REDIC1: variants seen among roughly 807,000 people sequenced by gnomAD.
REDIC1 encodes HEI10 Interacting Protein 1.
the REDIC1 span, among the ~76,000 whole-genome samples, chr12:39,887,071 G>A: frequency 6.6e-6 from 1 of 152,142 alleles, no homozygotes; most frequent in Non-Finnish European, 1.5e-5. Flanking sequence ...AAAAGAGACT[G>A]TTATGGAAAT....
At chr12:39,748,027 C>T in the REDIC1 span, among the ~76,000 whole-genome samples, 1 of 152,146 alleles carries the variant, frequency 6.6e-6, no homozygotes, top group Non-Finnish European at 1.5e-5. Flanking sequence ...AACTAACGAG[C>T]AAAATAACCA....
chr12:39,694,296 A>G, the REDIC1 span, among the ~76,000 whole-genome samples: 1 of 152,196 alleles, frequency 6.6e-6, no homozygotes, highest in Non-Finnish European at 1.5e-5. Context: ...AAGAGCACTC[A>G]TAGTACCTGG....
the REDIC1 span, among the ~76,000 whole-genome samples, chr12:39,639,624 A>C: frequency 2.6e-5 from 4 of 151,884 alleles, no homozygotes; most frequent in African/African-American, 9.7e-5. Flanking sequence ...AAGCAGTGTG[A>C]TCTTGGGGAA....
At chr12:39,812,378 TTTTC>T in the REDIC1 span, among the ~76,000 whole-genome samples, 21 of 122,996 alleles carry the variant, frequency 1.7e-4, no homozygotes, top group East Asian at 1.7e-3. Flanking sequence ...TTTTCTTTTC[TTTTC>T]TTTCTTTCTC....
chr12:39,673,582 T>G, the REDIC1 span, among the ~76,000 whole-genome samples: 1 of 152,194 alleles, frequency 6.6e-6, no homozygotes, highest in Non-Finnish European at 1.5e-5. Context: ...GCTTTACCCC[T>G]CTTCTGTTTC....
the REDIC1 span, among the ~76,000 whole-genome samples, chr12:39,821,065 C>G: frequency 6.6e-6 from 1 of 152,092 alleles, no homozygotes; most frequent in African/African-American, 2.4e-5. Flanking sequence ...TTTACCCTTT[C>G]TTTCACTGCC....
At chr12:39,682,841 A>G in the REDIC1 span, 1 of 1,612,236 alleles carries the variant, frequency 6.2e-7, no homozygotes, top group Non-Finnish European at 8.5e-7. Flanking sequence ...AATATGATCA[A>G]TGTATTAAAC....
the REDIC1 span, among the ~76,000 whole-genome samples, chr12:39,713,712 T>C: frequency 6.7e-6 from 1 of 149,636 alleles, no homozygotes; most frequent in Admixed American, 6.7e-5. Flanking sequence ...CATATTTATG[T>C]ATGCCTGTAT....
chr12:39,756,978 A>T, the REDIC1 span: 1 of 151,668 alleles, frequency 6.6e-6, no homozygotes, highest in Admixed American at 6.6e-5. Context: ...TTATTATTTA[A>T]ATATTTTACA....
chr12:39,749,563 C>G, the REDIC1 span, among the ~76,000 whole-genome samples: 1 of 152,210 alleles, frequency 6.6e-6, no homozygotes, highest in Non-Finnish European at 1.5e-5. Context: ...CTCCCTAACT[C>G]ATTTTATGAG....
the REDIC1 span, among the ~76,000 whole-genome samples, chr12:39,842,030 C>CT: frequency 6.6e-6 from 1 of 152,106 alleles, no homozygotes; most frequent in South Asian, 2.1e-4. Flanking sequence ...TTTTATTTCC[C>CT]TTTTTACAGA....
chr12:39,627,285 G>A, the REDIC1 span, among the ~76,000 whole-genome samples: 1 of 152,104 alleles, frequency 6.6e-6, no homozygotes, highest in Non-Finnish European at 1.5e-5. Flanking sequence ...AATTACTTCT[G>A]GCTAGTGTTC....
chr12:39,841,323 G>A, the REDIC1 span, among the ~76,000 whole-genome samples: 15 of 152,090 alleles, frequency 9.9e-5, no homozygotes, highest in Non-Finnish European at 1.5e-5. Context: ...GCAACTGATT[G>A]TCTAATCCTT....
chr12:39,697,734 A>G, the REDIC1 span, among the ~76,000 whole-genome samples: 1 of 152,144 alleles, frequency 6.6e-6, no homozygotes, highest in East Asian at 1.9e-4. Flanking sequence ...CTTATGAAAA[A>G]CTCAAACCCA....
At chr12:39,626,829 A>C in the REDIC1 span, among the ~76,000 whole-genome samples, 1 of 152,226 alleles carries the variant, frequency 6.6e-6, no homozygotes, top group Non-Finnish European at 1.5e-5. Flanking sequence ...CATAAATCCA[A>C]ATTGTAGTTT....
chr12:39,716,374 G>A, the REDIC1 span, among the ~76,000 whole-genome samples: 2 of 151,836 alleles, frequency 1.3e-5, no homozygotes, highest in African/African-American at 2.4e-5. Context: ...TACTAGATTG[G>A]CAAATGTCTG....
the REDIC1 span, among the ~76,000 whole-genome samples, chr12:39,631,704 G>T: frequency 6.6e-6 from 1 of 152,102 alleles, no homozygotes; most frequent in Non-Finnish European, 1.5e-5. Context: ...AGCTTACCAG[G>T]TACTTCATTA....
chr12:39,661,517 T>G, the REDIC1 span, among the ~76,000 whole-genome samples: 17 of 152,030 alleles, frequency 1.1e-4, no homozygotes, highest in Non-Finnish European at 2.2e-4. Context: ...TTTTTCCTGT[T>G]GAGTCATTTG....
At chr12:39,779,245 G>GGATATGAGTTATCCATAAA in the REDIC1 span, among the ~76,000 whole-genome samples, 3 of 152,190 alleles carry the variant, frequency 2.0e-5, no homozygotes, top group East Asian at 5.8e-4. Flanking sequence ...TCCATAAAAT[G>GGATATGAGTTATCCATAAA]AGTATGTTGG....
Sources: gnomAD v4.1 joint callset for allele counts (sites outside exome capture counted in the v4.1 genomes callset) on GRCh38, gnomAD v4.1.1 for gene constraint, MANE v1.5 for transcripts, NCBI Gene and HGNC (gene_info 2026-07-23, HGNC 2026-07-21) for gene names.